The following DNAAF11 variants were observed in gnomAD, a reference collection of about 807,000 sequenced individuals.
DNAAF11 encodes the protein leucine rich repeat containing 6.
In DNAAF11, 45 loss-of-function variants were observed where a neutral mutation model predicts 60.8. The observed-to-expected ratio is 0.74, with a 90% CI of 0.58 to 0.95. The LOEUF (loss-of-function observed/expected upper bound fraction) is 0.95. Ranked by LOEUF, DNAAF11 falls within the 40% of genes least tolerant of loss-of-function variation. DNAAF11 has a pLI of 0.00. For missense variants in DNAAF11, 546 were observed against 546.2 expected (o/e 1.00, Z 0.00); for synonymous variants, 191 against 183.5 (o/e 1.04, Z -0.33).
At chr8:132,676,126 G>A (rs983186769), upstream of DNAAF11, among the ~76,000 whole-genome samples, 4 of 152,082 alleles carry the variant, frequency 2.6e-5, no homozygotes, top group Non-Finnish European at 5.9e-5. Context: ...TCCAACACTC[G>A]TTTCCGGCTA....
intron 7 of DNAAF11, among the ~76,000 whole-genome samples, chr8:132,621,861 G>T (rs1279377734): frequency 6.6e-6 from 1 of 152,124 alleles, no homozygotes; most frequent in African/African-American, 2.4e-5. Flanking sequence ...ATGTAAAAAA[G>T]AAATACTGTT....
rs759010061 is a variant in DNAAF11 at position 132,610,193 on chromosome 8, C to A, written c.1113G>T (p.Thr371=). Residue 371 remains threonine (T), a synonymous_variant, in exon 10 of 12, where the codon ACG becomes ACT. Coordinates refer to ENST00000620350, the MANE Select transcript of DNAAF11 (RefSeq NM_012472.6). The part of the protein sequence containing the change: ...DSSSAKRSQT[T]GHLVICMPKV... ...TGGGCATGCAGATGACCAAATGACC[C>A]GTTGTCTGAGATCTTTTAGCAGAAC... 1 of 1,613,762 alleles carries A rather than the reference C, an allele frequency of 6.2e-7. No individual in the cohort carries two copies. The highest frequency in any genetic ancestry group is 8.5e-7 in the Non-Finnish European group (1 of 1,179,858).
At chr8:132,675,663 G>A, upstream of DNAAF11, 2 of 592,158 alleles carry the variant, frequency 3.4e-6, no homozygotes, top group East Asian at 3.4e-5. Flanking sequence ...CCTGAGCTCC[G>A]CGGAGCAAGC....
At chr8:132,651,799 A>T (rs1048192768) in intron 3 of DNAAF11, among the ~76,000 whole-genome samples, 1 of 152,202 alleles carries the variant, frequency 6.6e-6, no homozygotes, top group African/African-American at 2.4e-5. Flanking sequence ...CAAAACATGG[A>T]CATACAGTAA....
Position 132,570,762 on chromosome 8 carries a change from C to T in DNAAF11, c.*1544G>A, listed in dbSNP as rs913386155. On this transcript the variant is annotated 3_prime_UTR_variant, in exon 12 of 12. Coordinates refer to ENST00000620350, the MANE Select transcript of DNAAF11 (RefSeq NM_012472.6). ...TGTGTGTCCATCCCATCTTTCTTAC[C>T]GCAGGCCTGCTGACGAAGGCTGGCT... is the stretch of plus-strand genomic sequence containing the variant. 7.9e-5 allele frequency among the ~76,000 whole-genome samples: 12 copies of T among 152,186 alleles called. No individual in the cohort carries two copies. Among genetic ancestry groups the T allele is most frequent in the Admixed American group, 2.6e-4 (4 of 15,280 alleles).
intron 3 of DNAAF11, chr8:132,643,783 A>G (rs1822093000): frequency 2.2e-6 from 1 of 451,704 alleles, no homozygotes; most frequent in Non-Finnish European, 4.4e-6. Context: ...GACACTTGTA[A>G]TAGAAGAAGC....
upstream of DNAAF11, among the ~76,000 whole-genome samples, chr8:132,678,238 G>A (rs1002762123): frequency 1.3e-5 from 2 of 152,170 alleles, no homozygotes; most frequent in African/African-American, 4.8e-5. Context: ...TTTCAAAGCT[G>A]CCTGCCGTAT....
intron 4 of DNAAF11, 101 bp downstream of exon 4, chr8:132,637,834 T>C (rs1821450906): frequency 1.0e-6 from 1 of 978,468 alleles, no homozygotes; most frequent in East Asian, 2.4e-5. Flanking sequence ...TATTCCATTA[T>C]CTGAAGCAAC....
At chr8:132,685,024 C>CTTAA in the DNAAF11 span, 1 of 151,518 alleles carries the variant, frequency 6.6e-6, no homozygotes, top group African/African-American at 2.4e-5. Flanking sequence ...AGAGTTTTTA[C>CTTAA]TTAGTTTATT....
the DNAAF11 span, among the ~76,000 whole-genome samples, chr8:132,698,677 G>A: frequency 1.4e-3 from 215 of 152,062 alleles, 2 homozygotes; most frequent in Admixed American, 7.8e-3. Context: ...CACTCCTTAA[G>A]CAATTACTTA....
At chr8:132,578,167 C>A (rs1244302442) in intron 11 of DNAAF11, among the ~76,000 whole-genome samples, 16 of 152,038 alleles carry the variant, frequency 1.1e-4, no homozygotes, top group Admixed American at 9.8e-4. Context: ...GAATGGCCTA[C>A]CTCATTTCCC....
chr8:132,697,474 T>C, the DNAAF11 span, among the ~76,000 whole-genome samples: 5 of 152,100 alleles, frequency 3.3e-5, no homozygotes, highest in East Asian at 9.7e-4. Flanking sequence ...AAAAATTAGC[T>C]GGGTGTGGTG....
rs533411204 is a variant in DNAAF11 at position 132,585,966 on chromosome 8, C to A, written c.1141-2187G>T. Among the ~76,000 whole-genome samples, 326 of 152,228 alleles carry A rather than the reference C, an allele frequency of 2.1e-3. 1 individual carries two copies. Among genetic ancestry groups the A allele is most frequent in the Non-Finnish European group, 3.4e-3 (234 of 68,026 alleles). ...GATGAATCTAAATATTTCCTGATAT[C>A]CTGGCCTTCCCTTAAGGGAATGAAA... On this transcript the variant is annotated intron_variant, in intron 10 of 11. Coordinates refer to ENST00000620350, the MANE Select transcript of DNAAF11 (RefSeq NM_012472.6).
the DNAAF11 span, among the ~76,000 whole-genome samples, chr8:132,697,234 A>G: frequency 6.6e-6 from 1 of 152,230 alleles, no homozygotes; most frequent in Non-Finnish European, 1.5e-5. Flanking sequence ...AGTTTTCTAA[A>G]GTTGGACTGC....
rs1355704510 is a variant in DNAAF11 at position 132,615,043 on chromosome 8, G to A, written c.969C>T (p.Val323=). The change falls in exon 8 of 12, where the codon GTC becomes GTT. Residue 323 remains valine, a synonymous_variant. Transcript: ENST00000620350. ...NEKQIILDLA[V]YRYMDTSLID... ...TACGTAGAAAATGTCTTTACCTATAGACAGCAAGGTCCAGGATGATCTGCT... is the reference window on the plus strand; with the variant it reads ...TACGTAGAAAATGTCTTTACCTATAAACAGCAAGGTCCAGGATGATCTGCT... The A allele has an allele frequency of 3.1e-6, 5 of 1,592,592 alleles. No homozygotes were observed. The Admixed American group carries it at 8.4e-5, about 27-fold the overall frequency.
At chr8:132,649,470 G>C (rs1302605233) in intron 3 of DNAAF11, among the ~76,000 whole-genome samples, 1 of 152,170 alleles carries the variant, frequency 6.6e-6, no homozygotes, top group South Asian at 2.1e-4. Flanking sequence ...AGGGCTTTAT[G>C]ACTAAAACAC....
At chr8:132,661,659 T>C (rs1230715097) in intron 1 of DNAAF11, 32 bp from the exon 2 acceptor site, 2 of 1,586,960 alleles carry the variant, frequency 1.3e-6, no homozygotes, top group Non-Finnish European at 1.7e-6. Context: ...ATTACATTTC[T>C]GTCCCCATTG....
chr8:132,685,100 A>G, the DNAAF11 span: 2 of 152,306 alleles, frequency 1.3e-5, no homozygotes, highest in Admixed American at 1.3e-4. Flanking sequence ...AGCAGGTGCT[A>G]AAGGCCTAAA....
chr8:132,592,441 G>C (rs1023420075), intron 10 of DNAAF11, among the ~76,000 whole-genome samples: 17 of 152,208 alleles, frequency 1.1e-4, no homozygotes, highest in African/African-American at 4.1e-4. Context: ...TCCTGGAACT[G>C]TGAGTTGTTC....
Sources: gnomAD v4.1 joint callset for allele counts (sites outside exome capture counted in the v4.1 genomes callset) on GRCh38, gnomAD v4.1.1 for gene constraint, MANE v1.5 for transcripts, NCBI Gene and HGNC (gene_info 2026-07-23, HGNC 2026-07-21) for gene names.